MYRIP: variants seen among roughly 807,000 people sequenced by gnomAD.
The protein encoded by MYRIP is myosin VIIA and Rab interacting protein.
A neutral mutation model predicts 98.0 loss-of-function variants in MYRIP; 49 were observed. The ratio of observed to expected loss-of-function variants is 0.50; its 90% CI spans 0.40 to 0.63. The LOEUF is 0.63. Ranked by LOEUF, MYRIP falls within the 30% of genes least tolerant of loss-of-function variation. The pLI, the probability that MYRIP is intolerant of heterozygous loss-of-function variation, is 0.00. For synonymous variants in MYRIP, 404 were observed against 409.5 expected (o/e 0.99, Z 0.16); for missense variants, 1,004 against 1,058.2 (o/e 0.95, Z 0.71).
At chr3:40,144,904 C>T (rs76539673) in intron 3 of MYRIP, among the ~76,000 whole-genome samples, 5,636 of 152,200 alleles carry the variant, frequency 0.037, 167 homozygotes, top group Non-Finnish European at 0.058. Context: ...AATCTCTGCT[C>T]GAGTTTGCTC....
At chr3:40,173,461 T>G (rs886813729) in intron 8 of MYRIP, 1 of 152,184 alleles carries the variant, frequency 6.6e-6, no homozygotes, top group East Asian at 1.9e-4. Flanking sequence ...AGATGCTCTG[T>G]GTATCATTAG....
Position 40,237,637 on chromosome 3 carries a change from GA to G in MYRIP, c.2100+3586del, listed in dbSNP as rs539464207. Among the ~76,000 whole-genome samples the G allele has an allele frequency of 2.2e-4, 34 of 152,294 alleles. No homozygotes were observed. The South Asian group carries it at 6.4e-3, about 29-fold the overall frequency. On this transcript the variant is annotated intron_variant, in intron 12 of 16. Coordinates refer to ENST00000302541, the MANE Select transcript of MYRIP (RefSeq NM_015460.4). Reference sequence around the variant, plus strand: ...TGATGTGTGACTACACCAGAGGAATGAAGCCCCTTTTAAAAAGAACTGCTTG... The same window carrying G: ...TGATGTGTGACTACACCAGAGGAATGAGCCCCTTTTAAAAAGAACTGCTTG...
intron 11 of MYRIP, among the ~76,000 whole-genome samples, chr3:40,217,114 AAGGAATT>A (rs1403344344): frequency 6.6e-6 from 1 of 152,200 alleles, no homozygotes; most frequent in African/African-American, 2.4e-5. Flanking sequence ...CAAAGTAGTC[AAGGAATT>A]ATTTCTCAGA....
At chr3:39,969,460 G>T in intron 2 of MYRIP, among the ~76,000 whole-genome samples, 1 of 138,030 alleles carries the variant, frequency 7.2e-6, no homozygotes. Flanking sequence ...CTGTGGGTTT[G>T]TCATAGATGG....
intron 13 of MYRIP, among the ~76,000 whole-genome samples, chr3:40,249,312 C>G (rs1325091615): frequency 3.9e-5 from 6 of 152,178 alleles, no homozygotes. Context: ...TTTCCAGCGT[C>G]CCCCATACCG....
At chr3:40,033,913 T>C (rs1300185774) in intron 2 of MYRIP, among the ~76,000 whole-genome samples, 1 of 152,090 alleles carries the variant, frequency 6.6e-6, no homozygotes, top group South Asian at 2.1e-4. Context: ...TCAGAAATAA[T>C]GCCACATATC....
chr3:39,878,370 C>G lies in MYRIP; in HGVS notation c.-30-22417C>G, dbSNP rs1371963426. On this transcript the variant is annotated intron_variant, in intron 1 of 16. Transcript: ENST00000302541. ...GCACCCACTGCCCTGTGCCCACTGT[C>G]TGGCACTCACTAGTGAGATGAAGCC... 2.8e-4 allele frequency among the ~76,000 whole-genome samples: 43 copies of G among 152,186 alleles called. 1 individual carries two copies. The highest frequency in any genetic ancestry group is 2.8e-3 in the Admixed American group (43 of 15,278).
At chr3:40,151,320 C>A in intron 4 of MYRIP, 136 bp downstream of exon 4, 3 of 963,564 alleles carry the variant, frequency 3.1e-6, no homozygotes, top group African/African-American at 1.7e-5. Flanking sequence ...CAGTGAGAAG[C>A]AGAAATAGAA....
Position 40,153,567 on chromosome 3 carries a change from G to A in MYRIP, c.469+2383G>A, listed in dbSNP as rs73827324. Among the ~76,000 whole-genome samples the A allele has an allele frequency of 9.1e-3, 1,386 of 152,300 alleles. 22 individuals carry two copies. The highest frequency in any genetic ancestry group is 0.03 in the African/African-American group (1,264 of 41,540). ...CATTAATTACTGCTGAATTTTTGGA[G>A]GTGGGATCCAGTATACATATTTTTA... On this transcript the variant is annotated intron_variant, in intron 4 of 16. Transcript: ENST00000302541.
Position 39,899,373 on chromosome 3 carries a change from C to T in MYRIP, c.-30-1414C>T, listed in dbSNP as rs187699738. ...ATATGCCCTATTTTTTAAATCATTCCTCCTATTTATGGATGTTTAGTGTTT... is the reference window on the plus strand; with the variant it reads ...ATATGCCCTATTTTTTAAATCATTCTTCCTATTTATGGATGTTTAGTGTTT... On this transcript the variant is annotated intron_variant, in intron 1 of 16. Coordinates refer to ENST00000302541, the MANE Select transcript of MYRIP (RefSeq NM_015460.4). Among the ~76,000 whole-genome samples the T allele has an allele frequency of 5.7e-4, 87 of 152,066 alleles. 2 individuals are homozygous for T. The Middle Eastern group carries it at 0.014, about 24-fold the overall frequency.
At chr3:40,024,257 T>C (rs1030197940) in intron 2 of MYRIP, among the ~76,000 whole-genome samples, 11 of 152,190 alleles carry the variant, frequency 7.2e-5, no homozygotes, top group Admixed American at 5.9e-4. Context: ...GTATGCACTG[T>C]GGCTGATTTG....
chr3:39,858,853 A>T (rs1599000), intron 1 of MYRIP, among the ~76,000 whole-genome samples: 1 of 152,250 alleles, frequency 6.6e-6, no homozygotes, highest in African/African-American at 2.4e-5. Context: ...AAATGGAAAC[A>T]CCATAAACCA....
At chr3:40,256,165 C>T (rs531274266) in intron 16 of MYRIP, among the ~76,000 whole-genome samples, 2 of 152,166 alleles carry the variant, frequency 1.3e-5, no homozygotes, top group African/African-American at 4.8e-5. Context: ...CTAGTGGCCA[C>T]CATGTTGGAC....
At chr3:40,199,181 A>T (rs1333498221) in intron 10 of MYRIP, among the ~76,000 whole-genome samples, 3 of 152,158 alleles carry the variant, frequency 2.0e-5, no homozygotes, top group Admixed American at 1.3e-4. Flanking sequence ...ATCCAAGAGA[A>T]ACTCATCCTG....
chr3:39,921,699 G>A (rs1944307405), intron 2 of MYRIP, among the ~76,000 whole-genome samples: 1 of 151,994 alleles, frequency 6.6e-6, no homozygotes, highest in Non-Finnish European at 1.5e-5. Flanking sequence ...TGGCCAACAT[G>A]GTGAAACCCC....
At chr3:39,992,014 T>G (rs1946192307) in intron 2 of MYRIP, among the ~76,000 whole-genome samples, 1 of 152,122 alleles carries the variant, frequency 6.6e-6, no homozygotes, top group Non-Finnish European at 1.5e-5. Flanking sequence ...TCCTCCAGTG[T>G]AGAAGTGCAA....
intron 11 of MYRIP, among the ~76,000 whole-genome samples, chr3:40,221,945 G>A (rs1182757972): frequency 6.6e-6 from 1 of 152,290 alleles, no homozygotes; most frequent in East Asian, 1.9e-4. Context: ...ATAACAGATG[G>A]GACATAGGCA....
chr3:40,060,596 T>TGAGAGAGAGAGAGGGAGAGAGAGAGA (rs1947988929), intron 3 of MYRIP, among the ~76,000 whole-genome samples: 1 of 138,792 alleles, frequency 7.2e-6, no homozygotes, highest in Non-Finnish European at 1.6e-5. Context: ...TTTCTTTTTT[T>TGAGAGAGAGAGAGGGAGAGAGAGAGA]GAGAGAGAGA....
intron 1 of MYRIP, among the ~76,000 whole-genome samples, chr3:39,862,858 G>T (rs2125620321): frequency 1.3e-5 from 2 of 152,106 alleles, no homozygotes; most frequent in East Asian, 3.9e-4. Context: ...ACCTGCACAT[G>T]GTATGTACTC....
Sources: allele counts gnomAD v4.1 joint callset (sites outside exome capture counted in the v4.1 genomes callset), GRCh38; gene constraint gnomAD v4.1.1; transcripts MANE v1.5; gene names NCBI Gene and HGNC (gene_info 2026-07-23, HGNC 2026-07-21).